The following PTGR3 variants were observed in gnomAD, a reference collection of about 807,000 sequenced individuals.
PTGR3 encodes the protein zinc binding alcohol dehydrogenase domain containing 2.
chr18:75,197,137 T>C, the PTGR3 span: 1 of 152,128 alleles, frequency 6.6e-6, no homozygotes, highest in Non-Finnish European at 1.5e-5. Context: ...GGGGATAGCA[T>C]GATGCTATAA....
chr18:75,204,713 G>A, the PTGR3 span, among the ~76,000 whole-genome samples: 3 of 152,102 alleles, frequency 2.0e-5, no homozygotes, highest in Non-Finnish European at 2.9e-5. Context: ...CGGCGCCGCG[G>A]TGGAGTTGAG....
At chr18:75,208,568 G>A in the PTGR3 span, 1 of 1,073,084 alleles carries the variant, frequency 9.3e-7, no homozygotes, top group Non-Finnish European at 1.1e-6. Context: ...AGGGGGAGGA[G>A]GGAGGGCTGG....
the PTGR3 span, chr18:75,202,303 C>CTGAA: frequency 6.2e-7 from 1 of 1,613,814 alleles, no homozygotes; most frequent in Non-Finnish European, 8.5e-7. Flanking sequence ...TAGCGGCCTG[C>CTGAA]TGAATAGTTG....
the PTGR3 span, among the ~76,000 whole-genome samples, chr18:75,204,579 C>T: frequency 6.6e-6 from 1 of 152,216 alleles, no homozygotes; most frequent in Non-Finnish European, 1.5e-5. Flanking sequence ...CTAACTCCCT[C>T]TCCCTCAGAA....
At chr18:75,201,991 G>T in the PTGR3 span, 1 of 1,614,200 alleles carries the variant, frequency 6.2e-7, no homozygotes, top group Admixed American at 1.7e-5. Flanking sequence ...ATGGCAAACT[G>T]GCCCGTTCCC....
At chr18:75,206,780 G>T in the PTGR3 span, among the ~76,000 whole-genome samples, 2 of 152,274 alleles carry the variant, frequency 1.3e-5, no homozygotes, top group African/African-American at 2.4e-5. Flanking sequence ...TTCTTGGCGT[G>T]TGTGCAGGGA....
At chr18:75,209,057 A>G in the PTGR3 span, 4 of 1,539,704 alleles carry the variant, frequency 2.6e-6, no homozygotes, top group South Asian at 4.8e-5. This position sits in a 1 kb window ranked among gnomAD's most constrained non-coding sequence, Gnocchi z 4.7. Flanking sequence ...CAGCCGCAGC[A>G]TGGCCTGCGC....
the PTGR3 span, chr18:75,201,798 G>T: frequency 6.2e-7 from 1 of 1,614,030 alleles, no homozygotes; most frequent in African/African-American, 1.3e-5. Flanking sequence ...GTCAAACATG[G>T]CTCCCCCAAC....
the PTGR3 span, chr18:75,195,173 C>G: frequency 6.6e-6 from 1 of 152,222 alleles, no homozygotes; most frequent in African/African-American, 2.4e-5. Context: ...TTCCTCCTAG[C>G]ATTAAAACTA....
the PTGR3 span, chr18:75,197,289 T>C: frequency 6.6e-6 from 1 of 152,228 alleles, no homozygotes; most frequent in Non-Finnish European, 1.5e-5. Flanking sequence ...TGCAACTCAA[T>C]GGATAAATGC....
chr18:75,202,156 A>C, the PTGR3 span: 1 of 1,614,132 alleles, frequency 6.2e-7, no homozygotes, highest in Non-Finnish European at 8.5e-7. Flanking sequence ...ACAACTGTGT[A>C]CTCAGCAAAA....
the PTGR3 span, chr18:75,201,842 C>T: frequency 6.6e-5 from 106 of 1,614,204 alleles, no homozygotes; most frequent in South Asian, 1.1e-3. Flanking sequence ...CTTCAGGGTA[C>T]TCCTGCTTAA....
chr18:75,208,613 T>G, the PTGR3 span: 1 of 851,250 alleles, frequency 1.2e-6, no homozygotes, highest in Non-Finnish European at 1.5e-6. Context: ...AAAATAACCC[T>G]CAGTTATGAG....
At chr18:75,195,985 G>C in the PTGR3 span, 1 of 152,192 alleles carries the variant, frequency 6.6e-6, no homozygotes, top group Admixed American at 6.5e-5. Flanking sequence ...CCTCCCAGCT[G>C]TAAGTTTCTG....
chr18:75,195,747 A>C, the PTGR3 span: 2 of 152,122 alleles, frequency 1.3e-5, no homozygotes, highest in African/African-American at 4.8e-5. Flanking sequence ...CCTTGTCTCT[A>C]CAAAAAATAA....
At chr18:75,201,198 C>G in the PTGR3 span, 7 of 546,854 alleles carry the variant, frequency 1.3e-5, no homozygotes, top group Middle Eastern at 1.4e-3. Context: ...AGCGTTTTCC[C>G]TCTTAGCCAT....
the PTGR3 span, chr18:75,209,070 C>A: frequency 3.3e-6 from 5 of 1,505,252 alleles, no homozygotes; most frequent in African/African-American, 4.4e-5. The surrounding 1 kb of genome is among the most constrained non-coding windows in gnomAD (Gnocchi z 4.7). Context: ...GCCTGCGCCT[C>A]CGCCCGCTCT....
the PTGR3 span, chr18:75,205,383 C>G: frequency 2.0e-6 from 2 of 985,586 alleles, no homozygotes; most frequent in Non-Finnish European, 1.2e-6. Flanking sequence ...CCCCACCCCC[C>G]CTTTAATTGA....
the PTGR3 span, chr18:75,209,030 C>T: frequency 1.3e-6 from 2 of 1,569,474 alleles, no homozygotes; most frequent in South Asian, 2.3e-5. The surrounding 1 kb of genome is among the most constrained non-coding windows in gnomAD (Gnocchi z 4.7). Context: ...CACGATGGCC[C>T]GGGCCCCGGT....
Sources: gnomAD v4.1 joint callset for allele counts (sites outside exome capture counted in the v4.1 genomes callset) on GRCh38, gnomAD v4.1.1 for gene constraint, Gnocchi (gnomAD v3.1) non-coding constraint, MANE v1.5 for transcripts, NCBI Gene and HGNC (gene_info 2026-07-23, HGNC 2026-07-21) for gene names.